CROCC2: variants seen among roughly 807,000 people sequenced by gnomAD.
The protein encoded by CROCC2 is ciliary rootlet coiled-coil protein 2.
Under a neutral mutation model 177.6 loss-of-function variants are expected in CROCC2, and 163 were observed. The observed-to-expected ratio is 0.92, with a 90% CI of 0.81 to 1.05. CROCC2 has a LOEUF of 1.05. Ranked by LOEUF, CROCC2 falls within the 50% of genes least tolerant of loss-of-function variation. CROCC2 has a pLI of 0.00. For synonymous variants in CROCC2, 904 were observed against 787.3 expected, an observed-to-expected ratio of 1.15 and a Z score of -2.48; for missense variants, 1,929 against 1,797.8, an observed-to-expected ratio of 1.07 and a Z score of -1.32.
intron 28 of CROCC2, among the ~76,000 whole-genome samples, chr2:240,985,593 A>T (rs2059833406): frequency 7.9e-6 from 1 of 126,168 alleles, no homozygotes; most frequent in Non-Finnish European, 1.6e-5. Context: ...ACACCCAGGC[A>T]CTCACTCCAC....
intron 1 of CROCC2, among the ~76,000 whole-genome samples, chr2:240,915,958 C>A (rs936760073): frequency 6.6e-6 from 1 of 152,164 alleles, no homozygotes; most frequent in African/African-American, 2.4e-5. Context: ...AAGCCTCCAG[C>A]GGACGCTGGG....
chr2:240,946,155 A>G lies in CROCC2; in HGVS notation c.2265A>G (p.Gly755=). ...GCACTCTGCAGCAAGCCCTGCAAGG[A>G]AAGGATGCTCTGTCTGAGGAGCGGG... is the stretch of plus-strand genomic sequence containing the variant. The part of the protein sequence containing the change: ...QMGTLQQALQ[G]KDALSEERAQ... Residue 755 remains glycine, a synonymous_variant, in exon 15 of 32, where the codon GGA becomes GGG. Coordinates refer to ENST00000690015, the MANE Select transcript of CROCC2 (RefSeq NM_001351305.2). The G allele has an allele frequency of 6.5e-7, 1 of 1,548,544 alleles. No homozygotes were observed. Among genetic ancestry groups the G allele is most frequent in the Non-Finnish European group, 8.7e-7 (1 of 1,145,296 alleles).
chr2:240,916,738 C>T (rs2059324033), intron 1 of CROCC2, among the ~76,000 whole-genome samples: 1 of 152,222 alleles, frequency 6.6e-6, no homozygotes, highest in Non-Finnish European at 1.5e-5. Flanking sequence ...CCGCCGATGC[C>T]CGGGGGAGCG....
chr2:240,970,941 G>A (rs187285268), intron 27 of CROCC2, among the ~76,000 whole-genome samples: 69 of 152,314 alleles, frequency 4.5e-4, no homozygotes, highest in Admixed American at 9.1e-4. Flanking sequence ...GAGGCCACGG[G>A]GAAGAGTCCT....
chr2:240,906,859 G>C (rs2059257584), intron 1 of CROCC2, among the ~76,000 whole-genome samples: 1 of 152,142 alleles, frequency 6.6e-6, no homozygotes, highest in Admixed American at 6.5e-5. Context: ...ACATTCAGGT[G>C]GCCGGTGTCC....
rs932904135 is a variant in CROCC2, at chr2:240,933,805, G to A, written c.1599G>A (p.Glu533=). The A allele has an allele frequency of 6.5e-6, 10 of 1,548,522 alleles. No individual in the cohort carries two copies. Among genetic ancestry groups the A allele is most frequent in the South Asian group, 3.6e-5 (3 of 83,988 alleles). ...RSLLLQAERR[E]ELALRRERSC... ...TCCTGCTGCAGGCAGAGCGGAGGGAGGAGCTGGCTCTGCGGAGGGAGCGGA... is the reference window on the plus strand; with the variant it reads ...TCCTGCTGCAGGCAGAGCGGAGGGAAGAGCTGGCTCTGCGGAGGGAGCGGA... The change falls in exon 11 of 32, where the codon GAG becomes GAA. Residue 533 remains glutamate (E), a synonymous_variant. Transcript: ENST00000690015.
At position 240,955,893 on chromosome 2, in the gene CROCC2, T is replaced by G; in HGVS notation, c.2864T>G (p.Leu955Arg). The G allele has an allele frequency of 6.5e-7, 1 of 1,535,024 alleles. No individual in the cohort carries two copies. The highest frequency in any genetic ancestry group is 1.4e-5 in the African/African-American group (1 of 73,092). Reference sequence around the variant, plus strand: ...CTGAAAGAAACAGAGCGGAGCCTTCTGAGTGAGGAGCTCTCCAGGGCCAGG... The same window carrying G: ...CTGAAAGAAACAGAGCGGAGCCTTCGGAGTGAGGAGCTCTCCAGGGCCAGG... ...LSLKETERSL[L>R]SEELSRARRT... The change falls in exon 19 of 32, where the codon CTG (leucine) becomes CGG (arginine). Residue 955 changes from leucine (L) to arginine (R), a missense_variant. This residue lies in a region of CROCC2 where 1,397 missense variants were observed against 1,239.9 expected (regional missense o/e 1.13). Coordinates refer to ENST00000690015, the MANE Select transcript of CROCC2 (RefSeq NM_001351305.2).
At position 240,967,436 on chromosome 2, in the gene CROCC2, T is replaced by G. The variant is rs1172908558; in HGVS notation, c.4238T>G (p.Leu1413Arg). 12 of 1,368,936 alleles carry G rather than the reference T, an allele frequency of 8.8e-6. No individual in the cohort carries two copies. Among genetic ancestry groups the G allele is most frequent in the Non-Finnish European group, 1.0e-5 (10 of 981,404 alleles). The allele number at this position is 1,368,936 out of a possible 1,614,324, so 84.8% of individuals were successfully genotyped here. ...CGGGCCCAGAGCCGCGTGGGGCAGC[T>G]GCAGAAAGCCCTGGCTGAGGCGGAA... is the stretch of plus-strand genomic sequence containing the variant. ...CARAQSRVGQ[L>R]QKALAEAEEG... Residue 1413 changes from leucine (L) to arginine (R), a missense_variant, in exon 26 of 32, where the codon CTG becomes CGG. Transcript: ENST00000690015.
At chr2:240,948,628 G>A (rs2059536362) in intron 15 of CROCC2, among the ~76,000 whole-genome samples, 1 of 152,188 alleles carries the variant, frequency 6.6e-6, no homozygotes, top group Non-Finnish European at 1.5e-5. Context: ...TCCCAGGAAT[G>A]GGCACTGCTG....
intron 5 of CROCC2, among the ~76,000 whole-genome samples, chr2:240,929,411 G>A (rs554386258): frequency 6.6e-6 from 1 of 152,214 alleles, no homozygotes; most frequent in East Asian, 1.9e-4. Flanking sequence ...TGAGTGCAGG[G>A]CCTAGAAGGT....
intron 1 of CROCC2, among the ~76,000 whole-genome samples, chr2:240,915,309 G>A (rs1384861241): frequency 6.6e-6 from 1 of 152,212 alleles, no homozygotes; most frequent in African/African-American, 2.4e-5. Context: ...CCACACGAGG[G>A]TTCTGATTCC....
At chr2:240,939,222 T>C (rs1207176000) in intron 14 of CROCC2, among the ~76,000 whole-genome samples, 1 of 152,200 alleles carries the variant, frequency 6.6e-6, no homozygotes, top group Non-Finnish European at 1.5e-5. Context: ...AAATGGGTAC[T>C]GGGTTCTGCT....
chr2:240,926,346 G>A (rs1031840280), intron 5 of CROCC2, among the ~76,000 whole-genome samples: 2 of 152,214 alleles, frequency 1.3e-5, no homozygotes, highest in African/African-American at 4.8e-5. Flanking sequence ...GGGGGTCAGG[G>A]CACAGAGCTC....
In CROCC2 at chr2:240,983,035, G is replaced by T. The variant is rs1488820986; in HGVS notation, c.4551+6G>T. 1 of 1,549,708 alleles carries T rather than the reference G, an allele frequency of 6.5e-7. No individual in the cohort carries two copies. ...CGCTGGAGCCCCTGCGACAGGTGAG[G>T]GTGACCAGGAGGGCAGGGTACGCTG... On this transcript the variant is annotated splice_donor_region_variant and intron_variant, in intron 28 of 31. Coordinates refer to ENST00000690015, the MANE Select transcript of CROCC2 (RefSeq NM_001351305.2).
At chr2:240,936,432 C>A (rs905892146) in intron 14 of CROCC2, among the ~76,000 whole-genome samples, 2 of 152,174 alleles carry the variant, frequency 1.3e-5, no homozygotes, top group Non-Finnish European at 2.9e-5. Flanking sequence ...ATAAATGGAG[C>A]CATGCAGTGT....
At position 240,973,298 on chromosome 2, in the gene CROCC2, A is replaced by G. The variant is rs978375594; in HGVS notation, c.4401+5036A>G. On this transcript the variant is annotated intron_variant, in intron 27 of 31. Coordinates refer to ENST00000690015, the MANE Select transcript of CROCC2 (RefSeq NM_001351305.2). The surrounding 1 kb of genome is among the most constrained non-coding windows in gnomAD (Gnocchi z 4.7). ...GAATTCAATAGAACAGCCGTGCAGGACCAGCCCGTGGTGTCAGGACACGCA... is the reference window on the plus strand; with the variant it reads ...GAATTCAATAGAACAGCCGTGCAGGGCCAGCCCGTGGTGTCAGGACACGCA... 9.9e-5 allele frequency among the ~76,000 whole-genome samples: 15 copies of G among 152,282 alleles called. No individual in the cohort carries two copies. Among genetic ancestry groups the G allele is most frequent in the African/African-American group, 3.1e-4 (13 of 41,568 alleles).
At chr2:240,915,484 T>G (rs550103205) in intron 1 of CROCC2, among the ~76,000 whole-genome samples, 1 of 152,308 alleles carries the variant, frequency 6.6e-6, no homozygotes, top group East Asian at 1.9e-4. Context: ...AGGGCCTGGA[T>G]GGCCAACGCT....
chr2:240,989,861 TGA>T, intron 30 of CROCC2, 28 bp downstream of exon 30: 1 of 1,517,568 alleles, frequency 6.6e-7, no homozygotes, highest in Non-Finnish European at 8.9e-7. Context: ...GCCCCCTGGG[TGA>T]GGGAAGAGGC....
At chr2:240,988,714 GT>G in intron 28 of CROCC2, 24 bp from the exon 29 acceptor site, 2 of 1,353,378 alleles carry the variant, frequency 1.5e-6, no homozygotes, top group Non-Finnish European at 1.9e-6. Flanking sequence ...GAGGCCACAG[GT>G]TCTGCCTCCT....
Sources: gnomAD v4.1 joint callset for allele counts (sites outside exome capture counted in the v4.1 genomes callset) on GRCh38, gnomAD v4.1.1 for gene constraint, gnomAD v4.1.1 regional missense constraint, Gnocchi (gnomAD v3.1) non-coding constraint, MANE v1.5 for transcripts, NCBI Gene and HGNC (gene_info 2026-07-23, HGNC 2026-07-21) for gene names.